Variants in GRID2 observed in about 807,000 individuals in gnomAD.
The protein encoded by GRID2 is glutamate ionotropic receptor delta type subunit 2, also known as glutamate receptor ionotropic, delta-2.
GRID2 carries 33 observed loss-of-function variants against 114.8 expected under a neutral mutation model. The observed-to-expected ratio is 0.29, with a 90% CI of 0.22 to 0.38. The LOEUF is 0.38. Ranked by LOEUF, GRID2 falls within the 10% of genes least tolerant of loss-of-function variation. The pLI is 1.00. For missense variants in GRID2, 1,184 were observed against 1,257.7 expected (o/e 0.94, Z 0.89); for synonymous variants, 505 against 449.9 (o/e 1.12, Z -1.55).
intron 2 of GRID2, among the ~76,000 whole-genome samples, chr4:93,046,807 T>C (rs1308850902): frequency 6.6e-6 from 1 of 151,928 alleles, no homozygotes; most frequent in Non-Finnish European, 1.5e-5. Flanking sequence ...TATTAAAATT[T>C]AGTTGACTTC....
At chr4:92,856,159 C>G (rs758265011) in intron 2 of GRID2, among the ~76,000 whole-genome samples, 15 of 152,008 alleles carry the variant, frequency 9.9e-5, no homozygotes, top group Non-Finnish European at 1.5e-4. Context: ...CAGAGAGATC[C>G]AGTTTCAAGA....
chr4:93,073,756 G>C (rs939854592), intron 2 of GRID2, among the ~76,000 whole-genome samples: 4 of 152,150 alleles, frequency 2.6e-5, no homozygotes, highest in Non-Finnish European at 5.9e-5. Flanking sequence ...TTGGTTCCAG[G>C]ATCTTTCACA....
At chr4:93,746,603 C>T (rs1731859566) in intron 14 of GRID2, among the ~76,000 whole-genome samples, 1 of 151,914 alleles carries the variant, frequency 6.6e-6, no homozygotes, top group Non-Finnish European at 1.5e-5. Flanking sequence ...GTAGGACTAC[C>T]AAAATGCAAG....
intron 2 of GRID2, among the ~76,000 whole-genome samples, chr4:92,718,878 T>G (rs951937847): frequency 6.6e-6 from 1 of 152,074 alleles, no homozygotes; most frequent in African/African-American, 2.4e-5. Flanking sequence ...GAATTTTTAT[T>G]AAAGATTAAA....
At chr4:92,573,329 C>G (rs772691218) in intron 1 of GRID2, among the ~76,000 whole-genome samples, 1 of 151,910 alleles carries the variant, frequency 6.6e-6, no homozygotes, top group Non-Finnish European at 1.5e-5. Flanking sequence ...CTGCTCTGAT[C>G]TTGATTATTT....
At chr4:93,636,837 G>T (rs1475795855) in intron 14 of GRID2, among the ~76,000 whole-genome samples, 1 of 152,104 alleles carries the variant, frequency 6.6e-6, no homozygotes, top group Non-Finnish European at 1.5e-5. Context: ...GGGAAGTGGG[G>T]TGCCCTGCCC....
intron 10 of GRID2, among the ~76,000 whole-genome samples, chr4:93,447,285 C>T (rs1330335867): frequency 6.6e-6 from 1 of 151,894 alleles, no homozygotes. Flanking sequence ...ATCAAGCCTT[C>T]AACTCAATAA....
chr4:93,453,170 T>A (rs557871675), intron 10 of GRID2, among the ~76,000 whole-genome samples: 204 of 151,696 alleles, frequency 1.3e-3, no homozygotes, highest in African/African-American at 4.7e-3. Context: ...GGCCTTTTTT[T>A]AAATTTTGCT....
In GRID2 at chr4:93,043,470, A is replaced by G. The variant is rs566359977; in HGVS notation, c.245-41525A>G. 7.9e-5 allele frequency among the ~76,000 whole-genome samples: 12 copies of G among 152,294 alleles called. No individual in the cohort carries two copies. The South Asian group carries it at 1.7e-3, about 21-fold the overall frequency. ...GTAGAGAGCACAAAGTCAGTCTGCA[A>G]TGGCTTCACAGACTATGGCCAAACC... On this transcript the variant is annotated intron_variant, in intron 2 of 15. Coordinates refer to ENST00000282020, the MANE Select transcript of GRID2 (RefSeq NM_001510.4).
intron 13 of GRID2, among the ~76,000 whole-genome samples, chr4:93,614,084 T>TC: frequency 6.6e-6 from 1 of 152,200 alleles, no homozygotes; most frequent in East Asian, 1.9e-4. Flanking sequence ...TCCAGGTGCG[T>TC]CCGTCACCCC....
chr4:92,505,762 T>C (rs925499983), intron 1 of GRID2, among the ~76,000 whole-genome samples: 3 of 152,052 alleles, frequency 2.0e-5, no homozygotes, highest in African/African-American at 7.2e-5. Context: ...TAAATTTTTG[T>C]TGAATATATC....
chr4:92,437,822 C>T (rs1056157270), intron 1 of GRID2, among the ~76,000 whole-genome samples: 3 of 152,156 alleles, frequency 2.0e-5, no homozygotes, highest in South Asian at 4.1e-4. Flanking sequence ...AGGTAAACCA[C>T]CACTTTAAGA....
At chr4:93,685,758 T>C (rs1216854017) in intron 14 of GRID2, among the ~76,000 whole-genome samples, 1 of 152,064 alleles carries the variant, frequency 6.6e-6, no homozygotes. Context: ...ATCCATGTGA[T>C]AAGGGAGCAG....
chr4:93,572,377 G>C (rs1353433073), intron 13 of GRID2, among the ~76,000 whole-genome samples: 1 of 152,054 alleles, frequency 6.6e-6, no homozygotes, highest in Non-Finnish European at 1.5e-5. Context: ...GATATGCTTT[G>C]AGTTCCATTA....
At chr4:93,050,509 G>GGTGTGT (rs70942946) in intron 2 of GRID2, among the ~76,000 whole-genome samples, 633 of 144,114 alleles carry the variant, frequency 4.4e-3, no homozygotes, top group Non-Finnish European at 6.8e-3. Flanking sequence ...AATAATACCT[G>GGTGTGT]GTGTGTGTGT....
chr4:93,308,110 A>C (rs1755630079), intron 8 of GRID2, among the ~76,000 whole-genome samples: 1 of 152,162 alleles, frequency 6.6e-6, no homozygotes, highest in Admixed American at 6.5e-5. Context: ...AAAATAATGT[A>C]AATAGCCATA....
At chr4:92,683,074 C>A (rs1048638236) in intron 2 of GRID2, among the ~76,000 whole-genome samples, 1 of 152,014 alleles carries the variant, frequency 6.6e-6, no homozygotes, top group Non-Finnish European at 1.5e-5. Context: ...CCAAGGCGGG[C>A]GGATCACAAG....
intron 2 of GRID2, among the ~76,000 whole-genome samples, chr4:92,988,126 T>C (rs1754625337): frequency 6.6e-6 from 1 of 152,232 alleles, no homozygotes; most frequent in Admixed American, 6.5e-5. Flanking sequence ...TATTACCTTA[T>C]AGTTTTTTTG....
chr4:92,435,550 A>G (rs1376628876), intron 1 of GRID2, among the ~76,000 whole-genome samples: 2 of 152,360 alleles, frequency 1.3e-5, no homozygotes, highest in South Asian at 4.1e-4. Flanking sequence ...ACAATAAACC[A>G]GAGTGAGACT....
Sources: gnomAD v4.1 joint callset for allele counts (sites outside exome capture counted in the v4.1 genomes callset) on GRCh38, gnomAD v4.1.1 for gene constraint, MANE v1.5 for transcripts, NCBI Gene and HGNC (gene_info 2026-07-23, HGNC 2026-07-21) for gene names.